PDGFD: variants seen among roughly 807,000 people sequenced by gnomAD.
The protein encoded by PDGFD is platelet derived growth factor D.
Under a neutral mutation model 44.7 loss-of-function variants are expected in PDGFD, and 30 were observed. The ratio of observed to expected loss-of-function variants is 0.67; its 90% CI spans 0.50 to 0.91. The LOEUF (loss-of-function observed/expected upper bound fraction) is 0.91. PDGFD is among the 40% of genes least tolerant of loss of function. The pLI, the probability that PDGFD is intolerant of heterozygous loss-of-function variation, is 0.00. For synonymous variants in PDGFD, 173 were observed against 168.4 expected (o/e 1.03, Z -0.21); for missense variants, 445 against 457.8 (o/e 0.97, Z 0.25).
chr11:104,048,011 A>G (rs1228037042), intron 1 of PDGFD, among the ~76,000 whole-genome samples: 1 of 152,060 alleles, frequency 6.6e-6, no homozygotes, highest in African/African-American at 2.4e-5. Flanking sequence ...CAAAATACAA[A>G]TGAATAATCT....
intron 1 of PDGFD, chr11:104,037,124 T>C: frequency 1.2e-6 from 2 of 1,613,992 alleles, no homozygotes; most frequent in Non-Finnish European, 1.7e-6. Context: ...GGCATTGCGG[T>C]GCCTGGGACG....
At chr11:103,926,290 A>G (rs985361612) in intron 6 of PDGFD, among the ~76,000 whole-genome samples, 1 of 152,200 alleles carries the variant, frequency 6.6e-6, no homozygotes, top group Admixed American at 6.5e-5. Context: ...AATAAATGCC[A>G]TTGTTACTAT....
At chr11:103,969,960 ATAGATCTCCATGCCTAAT>A (rs1393796331) in intron 3 of PDGFD, among the ~76,000 whole-genome samples, 1 of 152,100 alleles carries the variant, frequency 6.6e-6, no homozygotes, top group African/African-American at 2.4e-5. Context: ...TTTCCCTACC[ATAGATCTCCATGCCTAAT>A]CAACTTGAAA....
chr11:103,979,298 C>T (rs1367175304), intron 3 of PDGFD, among the ~76,000 whole-genome samples: 1 of 151,992 alleles, frequency 6.6e-6, no homozygotes, highest in Non-Finnish European at 1.5e-5. Flanking sequence ...CACTTTGTTC[C>T]CTCTACTTAG....
chr11:103,998,272 G>GGTACCTT (rs1859566276), intron 2 of PDGFD, among the ~76,000 whole-genome samples: 1 of 152,116 alleles, frequency 6.6e-6, no homozygotes, highest in Non-Finnish European at 1.5e-5. Flanking sequence ...GGAAGTACCT[G>GGTACCTT]TTGGGAGGCC....
chr11:104,020,397 T>C (rs1859931622), intron 1 of PDGFD, among the ~76,000 whole-genome samples: 1 of 152,180 alleles, frequency 6.6e-6, no homozygotes. Context: ...AAATGATTTA[T>C]TGATAGGTTC....
intron 1 of PDGFD, among the ~76,000 whole-genome samples, chr11:104,135,362 A>G (rs1861988875): frequency 6.6e-6 from 1 of 152,200 alleles, no homozygotes; most frequent in Admixed American, 6.5e-5. Context: ...AAAGATGAGG[A>G]GGAACTAACA....
chr11:103,960,551 A>G (rs1591095794), intron 3 of PDGFD, among the ~76,000 whole-genome samples: 1 of 152,314 alleles, frequency 6.6e-6, no homozygotes, highest in East Asian at 1.9e-4. Context: ...TAATGCATGG[A>G]TGCACAGGAA....
rs1177728152 is a variant in PDGFD at position 104,118,853 on chromosome 11, T to G, written c.124+44951A>C. On this transcript the variant is annotated intron_variant, in intron 1 of 6. Transcript: ENST00000393158. ...ATATTAATATATAATATATTATATA[T>G]TATAATATATTATATATTAATATAC... Among the ~76,000 whole-genome samples, 179 of 29,740 alleles carry G rather than the reference T, an allele frequency of 6.0e-3. 6 individuals are homozygous for G. The highest frequency in any genetic ancestry group is 0.012 in the Admixed American group (18 of 1,516). 19.5% of individuals were successfully genotyped at this position (29,740 alleles called of 152,430 possible).
chr11:104,039,597 T>C (rs1337681393), intron 1 of PDGFD, among the ~76,000 whole-genome samples: 1 of 152,154 alleles, frequency 6.6e-6, no homozygotes, highest in East Asian at 1.9e-4. Flanking sequence ...CACAAAGTTT[T>C]ATACCCAGTA....
At chr11:104,078,799 T>TCTAG in intron 1 of PDGFD, among the ~76,000 whole-genome samples, 1 of 113,286 alleles carries the variant, frequency 8.8e-6, no homozygotes, top group African/African-American at 5.0e-5. Flanking sequence ...ATAAAGTATT[T>TCTAG]AATGTTTAGG....
At position 104,140,834 on chromosome 11, in the gene PDGFD, A is replaced by G. The variant is rs544270480; in HGVS notation, c.124+22970T>C. On this transcript the variant is annotated intron_variant, in intron 1 of 6. Transcript: ENST00000393158. ...CTTTTCTTCATTAGGATATAAAGCCAGTCAATTGTTTATCAATTTTACTGC... is the reference window on the plus strand; with the variant it reads ...CTTTTCTTCATTAGGATATAAAGCCGGTCAATTGTTTATCAATTTTACTGC... Among the ~76,000 whole-genome samples, 29 of 152,364 alleles carry G rather than the reference A, an allele frequency of 1.9e-4. No homozygotes were observed. In the East Asian group the frequency reaches 5.6e-3, roughly 29 times the overall value.
intron 1 of PDGFD, among the ~76,000 whole-genome samples, chr11:104,054,365 A>T (rs1364333090): frequency 6.6e-6 from 1 of 152,258 alleles, no homozygotes; most frequent in East Asian, 1.9e-4. Flanking sequence ...TATGTTGCTC[A>T]AAGAGTGATG....
At chr11:103,962,232 A>G (rs1191733305) in intron 3 of PDGFD, among the ~76,000 whole-genome samples, 1 of 152,128 alleles carries the variant, frequency 6.6e-6, no homozygotes, top group Non-Finnish European at 1.5e-5. Context: ...TGATAATAAC[A>G]TTTTCCACTC....
chr11:103,914,897 G>T (rs2134301273), intron 6 of PDGFD, among the ~76,000 whole-genome samples: 1 of 152,198 alleles, frequency 6.6e-6, no homozygotes, highest in South Asian at 2.1e-4. Flanking sequence ...AAATTCAACA[G>T]CCCTTCATGC....
At chr11:103,997,925 T>A (rs1439476326) in intron 2 of PDGFD, among the ~76,000 whole-genome samples, 1 of 151,970 alleles carries the variant, frequency 6.6e-6, no homozygotes, top group Non-Finnish European at 1.5e-5. Flanking sequence ...CTGCTATACT[T>A]CTACTTCCTT....
At chr11:104,074,008 T>C (rs1415079437) in intron 1 of PDGFD, among the ~76,000 whole-genome samples, 3 of 152,222 alleles carry the variant, frequency 2.0e-5, no homozygotes, top group African/African-American at 7.2e-5. Flanking sequence ...TATTTTCCAG[T>C]GACTTCTGCT....
intron 1 of PDGFD, among the ~76,000 whole-genome samples, chr11:104,026,300 T>C (rs1415983160): frequency 6.6e-6 from 1 of 152,224 alleles, no homozygotes; most frequent in Non-Finnish European, 1.5e-5. Context: ...GAATTAATTG[T>C]CTACTAATAG....
chr11:104,077,085 TAC>T (rs1187663374), intron 1 of PDGFD, among the ~76,000 whole-genome samples: 29 of 152,330 alleles, frequency 1.9e-4, no homozygotes, highest in Admixed American at 3.3e-4. Context: ...TCAAAAGTTA[TAC>T]ATTGATTTCT....
Sources: allele counts gnomAD v4.1 joint callset (sites outside exome capture counted in the v4.1 genomes callset), GRCh38; gene constraint gnomAD v4.1.1; transcripts MANE v1.5; gene names NCBI Gene and HGNC (gene_info 2026-07-23, HGNC 2026-07-21).